The following PMS1 variants were observed in gnomAD, a reference collection of about 807,000 sequenced individuals.
PMS1 encodes PMS1 homolog 1, mismatch repair system component.
In PMS1, 79 loss-of-function variants were observed where a neutral mutation model predicts 93.1. The ratio of observed to expected loss-of-function variants is 0.85; its 90% CI spans 0.71 to 1.02. PMS1 has a LOEUF of 1.02. PMS1 is among the 50% of genes least tolerant of loss of function. The pLI, the probability that PMS1 is intolerant of heterozygous loss-of-function variation, is 0.00. For synonymous variants in PMS1, 335 were observed against 363.4 expected, an observed-to-expected ratio of 0.92 and a Z score of 0.89; for missense variants, 1,064 against 1,085.3, an observed-to-expected ratio of 0.98 and a Z score of 0.28.
Position 189,854,770 on chromosome 2 carries a change from A to C in PMS1, c.1498A>C (p.Arg500=), listed in dbSNP as rs2106463123. ...GGAAATTTCTGCAGATGAGTGGAGC[A>C]GGGGAAATATACTTAAAAATTCAGT... The part of the protein sequence containing the change: ...SSEISADEWS[R]GNILKNSVGE... Residue 500 remains arginine, a synonymous_variant, in exon 9 of 13, where the codon AGG becomes CGG. Coordinates refer to ENST00000441310, the MANE Select transcript of PMS1 (RefSeq NM_000534.5). 2 of 1,613,846 alleles carry C rather than the reference A, an allele frequency of 1.2e-6. No individual in the cohort carries two copies. The highest frequency in any genetic ancestry group is 4.5e-5 in the East Asian group (2 of 44,836).
At chr2:189,813,636 T>C (rs1415396656) in intron 4 of PMS1, among the ~76,000 whole-genome samples, 11 of 152,174 alleles carry the variant, frequency 7.2e-5, no homozygotes, top group African/African-American at 2.7e-4. Context: ...TTTATGAGAG[T>C]TAAAAAGGGA....
At chr2:189,844,767 T>C (rs1012908090) in intron 6 of PMS1, among the ~76,000 whole-genome samples, 1 of 152,038 alleles carries the variant, frequency 6.6e-6, no homozygotes, top group African/African-American at 2.4e-5. Context: ...GATGACGTTC[T>C]TAACTCAAAC....
chr2:189,795,663 C>T (rs1420162226), intron 2 of PMS1, 106 bp from the exon 3 acceptor site: 2 of 898,332 alleles, frequency 2.2e-6, no homozygotes, highest in East Asian at 2.6e-5. Flanking sequence ...TGCTATGCTT[C>T]CATAAAAGTA....
rs2057462181 is a variant in PMS1 at position 189,875,248 on chromosome 2, G to A, written c.2634+1592G>A. Reference sequence around the variant, plus strand: ...GCTACTAGATGACATTGGTAACCTTGAAGAGAATCGTAATGGCAAAGTACA... The same window carrying A: ...GCTACTAGATGACATTGGTAACCTTAAAGAGAATCGTAATGGCAAAGTACA... On this transcript the variant is annotated intron_variant, in intron 12 of 12. Transcript: ENST00000441310. 4.0e-5 allele frequency among the ~76,000 whole-genome samples: 6 copies of A among 150,334 alleles called. 1 individual carries two copies. The South Asian group carries it at 1.3e-3, about 32-fold the overall frequency.
intron 4 of PMS1, chr2:189,806,785 CT>C: frequency 9.9e-6 from 2 of 201,742 alleles, no homozygotes; most frequent in Non-Finnish European, 2.0e-5. Context: ...CTCCTTTAAT[CT>C]TTTTTTAATA....
intron 3 of PMS1, among the ~76,000 whole-genome samples, chr2:189,804,353 CCT>C (rs1433261330): frequency 6.6e-6 from 1 of 152,140 alleles, no homozygotes; most frequent in East Asian, 1.9e-4. Context: ...CACTTTCTGT[CCT>C]CTAAATTACA....
At chr2:189,804,340 T>C (rs151262323) in intron 3 of PMS1, among the ~76,000 whole-genome samples, 2 of 152,362 alleles carry the variant, frequency 1.3e-5, no homozygotes, top group Non-Finnish European at 2.9e-5. Flanking sequence ...AGAAAATCTC[T>C]AGCACTTTCT....
intron 3 of PMS1, among the ~76,000 whole-genome samples, chr2:189,797,923 A>G (rs5742991): frequency 0.038 from 5,750 of 152,304 alleles, 159 homozygotes; most frequent in African/African-American, 0.067. Context: ...TGAGGGGATT[A>G]CATTCCTGAT....
chr2:189,787,723 G>A lies in PMS1; in HGVS notation c.-21+3130G>A, dbSNP rs188118781. ...TTAAAATGGCAGGCTCTGAAATCACGCTACTTTGGTTTTATCCTAGCTCTT... is the reference window on the plus strand; with the variant it reads ...TTAAAATGGCAGGCTCTGAAATCACACTACTTTGGTTTTATCCTAGCTCTT... On this transcript the variant is annotated intron_variant, in intron 1 of 12. Coordinates refer to ENST00000441310, the MANE Select transcript of PMS1 (RefSeq NM_000534.5). Among the ~76,000 whole-genome samples, 475 of 152,044 alleles carry A rather than the reference G, an allele frequency of 3.1e-3. 5 individuals are homozygous for A. The highest frequency in any genetic ancestry group is 0.022 in the East Asian group (112 of 5,190).
At chr2:189,872,487 C>T (rs1357862447) in intron 11 of PMS1, among the ~76,000 whole-genome samples, 3 of 152,148 alleles carry the variant, frequency 2.0e-5, no homozygotes, top group African/African-American at 7.2e-5. Context: ...AACACTGTTA[C>T]ACCGATACAG....
intron 1 of PMS1, 172 bp from the exon 2 acceptor site, chr2:189,791,615 CAAA>C (rs1197953377): frequency 1.5e-4 from 62 of 412,156 alleles, no homozygotes; most frequent in Admixed American, 1.6e-4. Context: ...ATTTCATCTC[CAAA>C]AAAAAAAAAA....
intron 4 of PMS1, among the ~76,000 whole-genome samples, chr2:189,813,181 G>A (rs911834770): frequency 1.3e-5 from 2 of 152,184 alleles, no homozygotes; most frequent in African/African-American, 4.8e-5. Context: ...ATTGCAGTAA[G>A]AAGTAGAGGG....
intron 6 of PMS1, among the ~76,000 whole-genome samples, chr2:189,846,978 C>T (rs556062778): frequency 3.3e-5 from 5 of 151,806 alleles, no homozygotes; most frequent in African/African-American, 1.2e-4. Context: ...TCTCCTACCT[C>T]AGCCTCCTGA....
chr2:189,856,473 C>T (rs1027387377), intron 9 of PMS1, among the ~76,000 whole-genome samples: 1 of 151,966 alleles, frequency 6.6e-6, no homozygotes, highest in African/African-American at 2.4e-5. Flanking sequence ...ACTCAGTGTT[C>T]AAATTTATAA....
intron 11 of PMS1, among the ~76,000 whole-genome samples, chr2:189,869,929 G>A (rs1269099666): frequency 6.6e-6 from 1 of 151,712 alleles, no homozygotes; most frequent in East Asian, 1.9e-4. Flanking sequence ...TACCCAGTAA[G>A]TTTATATCTC....
rs1263762386 is a variant in PMS1 at position 189,854,278 on chromosome 2, T to G, written c.1006T>G (p.Cys336Gly). 1 of 1,591,758 alleles carries G rather than the reference T, an allele frequency of 6.3e-7. No individual in the cohort carries two copies. The highest frequency in any genetic ancestry group is 8.5e-7 in the Non-Finnish European group (1 of 1,170,878). ...LIALENLMTT[C>G]YGPLPSTNSY... ...TGCTCTTGAAAATCTGATGACGACT[T>G]GTTATGGACCATTACCTAGTACAAA... Residue 336 changes from cysteine to glycine, a missense_variant, in exon 9 of 13, where the codon TGT becomes GGT. Transcript: ENST00000441310.
rs758235016 is a variant in PMS1, at chr2:189,854,755, G to A, written c.1483G>A (p.Ala495Thr). The A allele has an allele frequency of 6.2e-7, 1 of 1,613,824 alleles. No homozygotes were observed. Among genetic ancestry groups the A allele is most frequent in the South Asian group, 1.1e-5 (1 of 91,074 alleles). The part of the protein sequence containing the change: ...AGLENSSEIS[A>T]DEWSRGNILK... ...TCTTGAAAACTCTTCGGAAATTTCT[G>A]CAGATGAGTGGAGCAGGGGAAATAT... Residue 495 changes from alanine to threonine, a missense_variant, in exon 9 of 13, where the codon GCA becomes ACA. Ala to Thr is a moderately conservative substitution (Grantham distance 58). Transcript: ENST00000441310.
chr2:189,822,799 G>C (rs2052050125), intron 5 of PMS1, among the ~76,000 whole-genome samples: 1 of 152,120 alleles, frequency 6.6e-6, no homozygotes, highest in Non-Finnish European at 1.5e-5. Context: ...AAAAAGTTTG[G>C]ATATACTGTA....
At position 189,855,081 on chromosome 2, in the gene PMS1, A is replaced by G. The variant is rs1418048612; in HGVS notation, c.1809A>G (p.Leu603=). 6.2e-7 allele frequency: 1 copy of G among 1,613,482 alleles called. No homozygotes were observed. The highest frequency in any genetic ancestry group is 8.5e-7 in the Non-Finnish European group (1 of 1,179,544). The part of the protein sequence containing the change: ...NPKTSLEDAT[L]QIEELWKTLS... ...AGACTAGTTTAGAGGATGCAACACT[A>G]CAAATTGAAGAACTGTGGAAGACAT... The change falls in exon 9 of 13, where the codon CTA becomes CTG. Residue 603 remains leucine (L), a synonymous_variant. Transcript: ENST00000441310.
Sources: gnomAD v4.1 joint callset for allele counts (sites outside exome capture counted in the v4.1 genomes callset) on GRCh38, gnomAD v4.1.1 for gene constraint, MANE v1.5 for transcripts, NCBI Gene and HGNC (gene_info 2026-07-23, HGNC 2026-07-21) for gene names.